The following PCCA variants were observed in gnomAD, a reference collection of about 807,000 sequenced individuals.
PCCA encodes the protein propionyl-CoA carboxylase subunit alpha.
A neutral mutation model predicts 101.3 loss-of-function variants in PCCA; 74 were observed. The ratio of observed to expected loss-of-function variants is 0.73; its 90% confidence interval spans 0.61 to 0.89. The LOEUF is 0.89. Among genes scored for constraint, PCCA ranks in the 40% least tolerant of loss-of-function variants. The pLI is 0.00. For synonymous variants in PCCA, 294 were observed against 313.6 expected (o/e 0.94, Z 0.66); for missense variants, 891 against 907.0 (o/e 0.98, Z 0.23).
In PCCA at chr13:100,437,687, G is replaced by A. The variant is rs571476450; in HGVS notation, c.1846-11565G>A. ...ATTAATTAGCTCTTTGTTTTGTTTT[G>A]TGTTTGAGACGGAGTCCGTTGCCCA... On this transcript the variant is annotated intron_variant, in intron 20 of 23. Transcript: ENST00000376285. Among the ~76,000 whole-genome samples the A allele has an allele frequency of 2.5e-4, 38 of 151,912 alleles. 1 individual carries two copies. In the South Asian group the frequency reaches 7.9e-3, roughly 32 times the overall value.
At chr13:100,344,649 GTT>G in intron 18 of PCCA, among the ~76,000 whole-genome samples, 1 of 152,274 alleles carries the variant, frequency 6.6e-6, no homozygotes, top group South Asian at 2.1e-4. Flanking sequence ...ATGTTTCTGT[GTT>G]TAAATAAACG....
chr13:100,139,204 T>G (rs2051564589), intron 4 of PCCA, among the ~76,000 whole-genome samples: 2 of 152,048 alleles, frequency 1.3e-5, no homozygotes, highest in East Asian at 3.9e-4. Flanking sequence ...TTGATTATGT[T>G]TTCTGATTTC....
At chr13:100,469,785 A>AC (rs1052092853) in intron 21 of PCCA, among the ~76,000 whole-genome samples, 3 of 152,034 alleles carry the variant, frequency 2.0e-5, no homozygotes, top group African/African-American at 7.3e-5. Context: ...GTCTCAAAAA[A>AC]AAACAAACAA....
At chr13:100,490,273 G>A (rs912230214) in intron 21 of PCCA, 1 of 152,134 alleles carries the variant, frequency 6.6e-6, no homozygotes, top group Non-Finnish European at 1.5e-5. Context: ...ATTTCAGTTC[G>A]CCTTTGGTAT....
intron 19 of PCCA, among the ~76,000 whole-genome samples, chr13:100,369,135 A>G (rs1401823048): frequency 1.3e-5 from 2 of 152,200 alleles, no homozygotes; most frequent in African/African-American, 4.8e-5. Context: ...TATGAGTGAT[A>G]TGTTTAAAAC....
intron 6 of PCCA, among the ~76,000 whole-genome samples, chr13:100,174,132 A>C (rs1205295869): frequency 6.6e-6 from 1 of 152,130 alleles, no homozygotes; most frequent in Admixed American, 6.6e-5. Context: ...AAACCTGTAT[A>C]TGTGCCTTAT....
At position 100,527,687 on chromosome 13, in the gene PCCA, CA is replaced by C; in HGVS notation, c.2055del (p.Glu686LysfsTer4). ...TTTTGTTTTCCAGGTAGCAGAAGGT[CA>C]AGAAATTTGTGTGATTGAAGCCATG... ...VKPGDAVAEG[Q>X]EICVIEAMKM... On this transcript the variant is annotated frameshift_variant, in exon 23 of 24. Coordinates refer to ENST00000376285, the MANE Select transcript of PCCA (RefSeq NM_000282.4). LOFTEE classifies it high-confidence loss of function. 1 of 1,613,634 alleles carries C rather than the reference CA, an allele frequency of 6.2e-7. No individual in the cohort carries two copies. The highest frequency in any genetic ancestry group is 8.5e-7 in the Non-Finnish European group (1 of 1,179,640).
chr13:100,241,657 T>C (rs1019083389), intron 8 of PCCA, among the ~76,000 whole-genome samples: 1 of 151,974 alleles, frequency 6.6e-6, no homozygotes, highest in African/African-American at 2.4e-5. Flanking sequence ...TTGTAGTGGG[T>C]TTTCACCATG....
chr13:100,325,325 G>C (rs2068543495), intron 16 of PCCA, among the ~76,000 whole-genome samples: 2 of 152,178 alleles, frequency 1.3e-5, no homozygotes, highest in East Asian at 3.8e-4. Context: ...AAGGAAGGTG[G>C]AAGGATATAA....
At chr13:100,111,646 ATTT>A (rs1403706505) in intron 2 of PCCA, among the ~76,000 whole-genome samples, 192 bp from the exon 3 acceptor site, 1 of 152,210 alleles carries the variant, frequency 6.6e-6, no homozygotes, top group African/African-American at 2.4e-5. Context: ...TTAATAACCT[ATTT>A]TAATATTACC....
intron 21 of PCCA, among the ~76,000 whole-genome samples, chr13:100,509,826 T>TTTTTGTTTTGTTTTGTTTTGTTTTG (rs60985069): frequency 5.9e-4 from 88 of 149,568 alleles, no homozygotes; most frequent in Middle Eastern, 3.4e-3. Flanking sequence ...TTTTGTGTTT[T>TTTTTGTTTTGTTTTGTTTTGTTTTG]TTTTGTTTTG....
intron 20 of PCCA, among the ~76,000 whole-genome samples, chr13:100,438,365 A>G (rs965785536): frequency 2.0e-5 from 3 of 151,966 alleles, no homozygotes; most frequent in Non-Finnish European, 2.9e-5. Flanking sequence ...TATGTTGCCC[A>G]GAACTCCTGG....
chr13:100,209,591 C>A, intron 7 of PCCA, 128 bp downstream of exon 7: 3 of 719,600 alleles, frequency 4.2e-6, no homozygotes, highest in Non-Finnish European at 7.5e-6. Context: ...CACGCACATA[C>A]ATACATGTAT....
At chr13:100,463,979 A>G (rs1005072576) in intron 21 of PCCA, among the ~76,000 whole-genome samples, 1 of 152,242 alleles carries the variant, frequency 6.6e-6, no homozygotes, top group African/African-American at 2.4e-5. Context: ...TAAAATTAAT[A>G]TTTATAAATA....
chr13:100,280,751 T>G (rs1209719985), intron 12 of PCCA, among the ~76,000 whole-genome samples: 1 of 152,126 alleles, frequency 6.6e-6, no homozygotes, highest in Non-Finnish European at 1.5e-5. Flanking sequence ...AATGGAAAAC[T>G]TTAGAAATAA....
intron 2 of PCCA, among the ~76,000 whole-genome samples, chr13:100,106,147 T>TG (rs2047775575): frequency 6.6e-6 from 1 of 152,170 alleles, no homozygotes; most frequent in African/African-American, 2.4e-5. Flanking sequence ...TGTTTTTTTT[T>TG]GCCTATGGTG....
chr13:100,146,451 T>A (rs2052576806), intron 4 of PCCA, among the ~76,000 whole-genome samples: 1 of 151,708 alleles, frequency 6.6e-6, no homozygotes, highest in South Asian at 2.1e-4. Context: ...GGCACATGCC[T>A]GTAATCCCAG....
Position 100,421,721 on chromosome 13 carries a change from G to T in PCCA, c.1747-3912G>T, listed in dbSNP as rs150415128. Among the ~76,000 whole-genome samples, 549 of 152,080 alleles carry T rather than the reference G, an allele frequency of 3.6e-3. 3 individuals carry two copies. The highest frequency in any genetic ancestry group is 0.013 in the African/African-American group (525 of 41,472). On this transcript the variant is annotated intron_variant, in intron 19 of 23. Coordinates refer to ENST00000376285, the MANE Select transcript of PCCA (RefSeq NM_000282.4). ...TTTTTTTGAGATGGAGTCCCGCTCT[G>T]TCGTGCAGGCTGGAGTGTGGTGGCG...
At position 100,340,119 on chromosome 13, in the gene PCCA, ATGATTGATTGAT is replaced by A. The variant is rs748498827; in HGVS notation, c.1541-31_1541-20del. The A allele has an allele frequency of 2.8e-6, 3 of 1,072,846 alleles. No individual in the cohort carries two copies. The African/African-American group carries it at 4.6e-5, about 17-fold the overall frequency. The allele number at this position is 1,072,846 out of a possible 1,614,324, so 66.5% of individuals were successfully genotyped here. A position where few individuals can be genotyped will look rare whatever the true frequency, so the allele number is the denominator to read the frequency against. On this transcript the variant is annotated intron_variant, in intron 17 of 23. Transcript: ENST00000376285. ...GAGAGAAGCACAGATGTTAAAATAA[ATGATTGATTGAT>A]TGATTGGTTGATTGATTTCCCTCAG...
Sources: gnomAD v4.1 joint callset for allele counts (sites outside exome capture counted in the v4.1 genomes callset) on GRCh38, gnomAD v4.1.1 for gene constraint, MANE v1.5 for transcripts, NCBI Gene and HGNC (gene_info 2026-07-23, HGNC 2026-07-21) for gene names.